DACH2: variants seen among roughly 807,000 people sequenced by gnomAD.
DACH2 encodes dachshund homolog 2.
DACH2 carries 17 observed loss-of-function variants against 35.8 expected under a neutral mutation model. The observed-to-expected ratio is 0.48, with a 90% CI of 0.33 to 0.71. The LOEUF (loss-of-function observed/expected upper bound fraction) is 0.71, where lower values mean the gene tolerates loss of function less well. DACH2 is among the 30% of genes least tolerant of loss of function. The pLI is 0.02. For synonymous variants in DACH2, 195 were observed against 177.3 expected (o/e 1.10, Z -0.79); for missense variants, 469 against 472.7 (o/e 0.99, Z 0.07).
At chrX:86,412,900 C>T (rs968902614) in intron 2 of DACH2, among the ~76,000 whole-genome samples, 5 of 111,456 alleles carry the variant, frequency 4.5e-5, no homozygotes, top group Non-Finnish European at 9.4e-5. Flanking sequence ...GGCAGCCTTT[C>T]GGGTCACTCA....
intron 1 of DACH2, among the ~76,000 whole-genome samples, chrX:86,158,369 T>C (rs935294483): frequency 9.0e-6 from 1 of 111,646 alleles, no homozygotes; most frequent in African/African-American, 3.3e-5. Context: ...AGGAGTGCAG[T>C]GGCAACCAGT....
intron 2 of DACH2, among the ~76,000 whole-genome samples, chrX:86,468,486 C>T (rs1306687666): frequency 9.0e-6 from 1 of 111,475 alleles, no homozygotes; most frequent in African/African-American, 3.3e-5. Context: ...ACTACAACAA[C>T]TTCTTTTAAA....
intron 6 of DACH2, among the ~76,000 whole-genome samples, chrX:86,716,774 T>C (rs887998086): frequency 1.8e-5 from 2 of 112,212 alleles, no homozygotes; most frequent in African/African-American, 3.2e-5. Flanking sequence ...GTCCTGGAAA[T>C]GGAAAAGATA....
intron 3 of DACH2, among the ~76,000 whole-genome samples, chrX:86,518,534 G>A (rs893820161): frequency 1.8e-5 from 2 of 111,996 alleles, no homozygotes; most frequent in Admixed American, 1.9e-4. Context: ...ATGAGCATGG[G>A]ATGTTTTTCA....
rs5923580 is a variant in DACH2, at chrX:86,652,777, A to T, written c.772+1610A>T. On this transcript the variant is annotated intron_variant, in intron 4 of 11. Coordinates refer to ENST00000373125, the MANE Select transcript of DACH2 (RefSeq NM_053281.3). ...AAGTGTCTGTTCATGTACTTTGCCC[A>T]CATTTGAACAGGGTTGTTTTTTGCT... Among the ~76,000 whole-genome samples the T allele has an allele frequency of 7.2e-5, 8 of 110,710 alleles. No individual in the cohort carries two copies. In the East Asian group the frequency reaches 2.3e-3, roughly 32 times the overall value.
intron 3 of DACH2, among the ~76,000 whole-genome samples, chrX:86,555,648 G>A (rs188733850): frequency 2.3e-4 from 26 of 110,979 alleles, no homozygotes; most frequent in Non-Finnish European, 4.4e-4. Context: ...GTTGGGTATC[G>A]GCACGTTATG....
chrX:86,409,656 C>T (rs1409016618), intron 2 of DACH2, among the ~76,000 whole-genome samples: 1 of 111,704 alleles, frequency 9.0e-6, no homozygotes, highest in African/African-American at 3.3e-5. Flanking sequence ...ACCACACTTT[C>T]TGTATACCCT....
At chrX:86,426,657 A>T (rs2036898412) in intron 2 of DACH2, among the ~76,000 whole-genome samples, 1 of 111,254 alleles carries the variant, frequency 9.0e-6, no homozygotes, top group Admixed American at 9.6e-5. Flanking sequence ...GAGAGAGGAT[A>T]ATTTCCCATC....
chrX:86,667,200 G>A (rs1196218825), intron 4 of DACH2, among the ~76,000 whole-genome samples: 1 of 100,484 alleles, frequency 1.0e-5, no homozygotes, highest in Non-Finnish European at 2.0e-5. Context: ...AGGTTACAGT[G>A]AGCCGAGACT....
At chrX:86,626,213 CA>C (rs1243561888) in intron 3 of DACH2, among the ~76,000 whole-genome samples, 3 of 112,555 alleles carry the variant, frequency 2.7e-5, no homozygotes, top group African/African-American at 9.7e-5. Flanking sequence ...AAGCCTTTTG[CA>C]AGTCTGAAAT....
In DACH2 at chrX:86,299,614, G is replaced by C. The variant is rs1237838991; in HGVS notation, c.489-77210G>C. On this transcript the variant is annotated intron_variant, in intron 1 of 11. Transcript: ENST00000373125. ...CTGGGTTTGTTTTACCTACAATGGG[G>C]AAGAGAGTGACTACCACCCAAAATT... is the stretch of plus-strand genomic sequence containing the variant. 2.7e-5 allele frequency among the ~76,000 whole-genome samples: 3 copies of C among 112,072 alleles called. No homozygotes were observed. The Admixed American group carries it at 2.8e-4, about 11-fold the overall frequency.
chrX:86,479,586 C>A (rs1056195505), intron 2 of DACH2, among the ~76,000 whole-genome samples: 5 of 111,844 alleles, frequency 4.5e-5, no homozygotes, highest in African/African-American at 1.6e-4. Flanking sequence ...TCGCTATCTT[C>A]TTTTTAAGCC....
intron 1 of DACH2, among the ~76,000 whole-genome samples, chrX:86,213,112 C>G (rs1029753273): frequency 1.8e-5 from 2 of 110,948 alleles, no homozygotes; most frequent in Non-Finnish European, 3.8e-5. Flanking sequence ...GGCATAAATT[C>G]CCTTTACTGT....
chrX:86,787,620 A>C (rs2042150166), intron 7 of DACH2, among the ~76,000 whole-genome samples: 1 of 17,018 alleles, frequency 5.9e-5, no homozygotes, highest in Non-Finnish European at 1.7e-4. Context: ...CTCAGTCTCA[A>C]AAAAAAAAAA....
At chrX:86,472,384 C>CCCCAAGA (rs2037773600) in intron 2 of DACH2, among the ~76,000 whole-genome samples, 1 of 111,588 alleles carries the variant, frequency 9.0e-6, no homozygotes, top group East Asian at 2.8e-4. Flanking sequence ...AATGGATTAT[C>CCCCAAGA]CCCAAGAGCC....
rs1051980679 is a variant in DACH2, at chrX:86,750,943, T to C, written c.1240+11061T>C. On this transcript the variant is annotated intron_variant, in intron 7 of 11. Coordinates refer to ENST00000373125, the MANE Select transcript of DACH2 (RefSeq NM_053281.3). Reference sequence around the variant, plus strand: ...TCCAGGTTCCTGCTTTTCATACTTTTGGTTTTATACCCGGAAGTGGAAAGC... The same window carrying C: ...TCCAGGTTCCTGCTTTTCATACTTTCGGTTTTATACCCGGAAGTGGAAAGC... 8.9e-5 allele frequency among the ~76,000 whole-genome samples: 10 copies of C among 111,801 alleles called. 1 individual carries two copies. Among genetic ancestry groups the C allele is most frequent in the Admixed American group, 6.7e-4 (7 of 10,450 alleles).
At chrX:86,677,368 CT>C (rs1377869011) in intron 4 of DACH2, among the ~76,000 whole-genome samples, 6 of 112,012 alleles carry the variant, frequency 5.4e-5, no homozygotes, top group Non-Finnish European at 1.1e-4. Context: ...GCACACTATT[CT>C]CCTAAAATTA....
intron 1 of DACH2, among the ~76,000 whole-genome samples, chrX:86,259,042 T>C (rs932253873): frequency 4.5e-5 from 5 of 111,952 alleles, no homozygotes; most frequent in African/African-American, 1.6e-4. Flanking sequence ...CATTTAAAAA[T>C]GAAATGCTTA....
intron 2 of DACH2, among the ~76,000 whole-genome samples, chrX:86,442,391 G>GTTTT (rs754462295): frequency 2.8e-5 from 2 of 70,513 alleles, no homozygotes; most frequent in Admixed American, 1.6e-4. Context: ...GTGTGTGTAT[G>GTTTT]TTTTTTTTTT....
Sources: gnomAD v4.1 joint callset for allele counts (sites outside exome capture counted in the v4.1 genomes callset) on GRCh38, gnomAD v4.1.1 for gene constraint, MANE v1.5 for transcripts, NCBI Gene and HGNC (gene_info 2026-07-23, HGNC 2026-07-21) for gene names.